Variants in RCOR3 observed in about 807,000 individuals in gnomAD.
The protein encoded by RCOR3 is REST corepressor 3.
Under a neutral mutation model 64.1 loss-of-function variants are expected in RCOR3, and 13 were observed. That is an observed-to-expected ratio of 0.20 (90% CI 0.13 to 0.32). The LOEUF is 0.32. Ranked by LOEUF, RCOR3 falls within the 10% of genes least tolerant of loss-of-function variation. The pLI, the probability that RCOR3 is intolerant of heterozygous loss-of-function variation, is 1.00. For missense variants in RCOR3, 489 were observed against 701.2 expected, an observed-to-expected ratio of 0.70 and a Z score of 3.42; for synonymous variants, 215 against 239.0, an observed-to-expected ratio of 0.90 and a Z score of 0.93.
chr1:211,266,065 C>T (rs1695132058), intron 2 of RCOR3, among the ~76,000 whole-genome samples: 1 of 152,024 alleles, frequency 6.6e-6, no homozygotes. Context: ...GGCAGATTGT[C>T]TTGGGAAAGA....
At position 211,295,633 on chromosome 1, in the gene RCOR3, T is replaced by C. The variant is rs777165111; in HGVS notation, c.940-43T>C. Reference sequence around the variant, plus strand: ...TTAATTGAGTACTCACAAATTTACCTAAGTACGCGATCTGATTCACATTTG... The same window carrying C: ...TTAATTGAGTACTCACAAATTTACCCAAGTACGCGATCTGATTCACATTTG... On this transcript the variant is annotated intron_variant, in intron 8 of 11. Transcript: ENST00000419091. 21 of 1,534,138 alleles carry C rather than the reference T, an allele frequency of 1.4e-5. No homozygotes were observed. In the East Asian group the frequency reaches 4.7e-4, roughly 35 times the overall value.
chr1:211,259,378 C>T lies in RCOR3; in HGVS notation c.-183C>T. The T allele has an allele frequency of 1.8e-6, 1 of 563,330 alleles. No homozygotes were observed. Among genetic ancestry groups the T allele is most frequent in the African/African-American group, 2.0e-5 (1 of 49,318 alleles). The allele number at this position is 563,330 out of a possible 1,614,324, so 34.9% of individuals were successfully genotyped here. A position where few individuals can be genotyped will look rare whatever the true frequency, so the allele number is the denominator to read the frequency against. On this transcript the variant is annotated 5_prime_UTR_variant, in exon 1 of 12. Coordinates refer to ENST00000419091, the MANE Select transcript of RCOR3 (RefSeq NM_001136223.3). ...GGGGCCGGGGCGGGTTGTTGTGAGG[C>T]GACTGCGCTACTGCCGGAGCGGGGC...
chr1:211,268,416 G>C (rs1001826200), intron 2 of RCOR3, among the ~76,000 whole-genome samples: 1 of 95,272 alleles, frequency 1.0e-5, no homozygotes. Context: ...TTTCGCTCTT[G>C]TTGCCCAGGC....
rs1417721957 is a variant in RCOR3 at position 211,259,648 on chromosome 1, G to GGCA, written c.91_93dup (p.Ser31dup). 3.2e-6 allele frequency: 5 copies of GGCA among 1,547,018 alleles called. No homozygotes were observed. The highest frequency in any genetic ancestry group is 2.4e-5 in the South Asian group (2 of 83,944). ...CGCCAAGAGCCCGGCAGGCGGCGGC[G>GGCA]GCAGCGGCGCCTCGTCCACCAACGG... On this transcript the variant is annotated inframe_insertion, in exon 1 of 12. Transcript: ENST00000419091.
chr1:211,303,896 T>A, intron 9 of RCOR3, 187 bp from the exon 10 acceptor site: 1 of 427,332 alleles, frequency 2.3e-6, no homozygotes, highest in East Asian at 3.6e-5. Flanking sequence ...TTCCCTTTCA[T>A]TATCTTTCTG....
At chr1:211,270,791 T>C (rs886379950) in intron 2 of RCOR3, among the ~76,000 whole-genome samples, 2 of 139,910 alleles carry the variant, frequency 1.4e-5, no homozygotes, top group African/African-American at 2.7e-5. Flanking sequence ...TCCTTCTGTT[T>C]TCCTATATTT....
chr1:211,283,774 G>T (rs1215762998), intron 7 of RCOR3, among the ~76,000 whole-genome samples: 1 of 150,840 alleles, frequency 6.6e-6, no homozygotes, highest in Non-Finnish European at 1.5e-5. Flanking sequence ...CTCCCAAGTA[G>T]CTGGGATTGC....
intron 7 of RCOR3, among the ~76,000 whole-genome samples, chr1:211,288,843 C>A (rs1310851698): frequency 6.6e-6 from 1 of 151,884 alleles, no homozygotes; most frequent in Non-Finnish European, 1.5e-5. Flanking sequence ...CTTTTCCCCC[C>A]CTTTATTGCT....
intron 10 of RCOR3, among the ~76,000 whole-genome samples, chr1:211,306,916 G>C (rs1700902840): frequency 1.9e-4 from 29 of 151,864 alleles, no homozygotes; most frequent in Admixed American, 1.9e-3. Context: ...CTCCAGGTAG[G>C]GTATCATTAA....
intron 2 of RCOR3, among the ~76,000 whole-genome samples, chr1:211,263,056 T>A (rs1694630621): frequency 8.0e-6 from 1 of 125,770 alleles, no homozygotes; most frequent in East Asian, 2.5e-4. Flanking sequence ...CAGAGTGTGA[T>A]GTTCCCCTTC....
At chr1:211,308,648 G>A (rs914944182) in intron 10 of RCOR3, among the ~76,000 whole-genome samples, 37 of 122,342 alleles carry the variant, frequency 3.0e-4, no homozygotes, top group African/African-American at 1.0e-3. Flanking sequence ...ACCATGTTTC[G>A]TCTTTTGGAT....
At chr1:211,296,741 C>T (rs1699894557) in intron 9 of RCOR3, among the ~76,000 whole-genome samples, 1 of 152,020 alleles carries the variant, frequency 6.6e-6, no homozygotes, top group African/African-American at 2.4e-5. Flanking sequence ...ATATCTCATT[C>T]CTTGACCACA....
chr1:211,294,253 A>G (rs1291638844), intron 8 of RCOR3, among the ~76,000 whole-genome samples: 1 of 152,208 alleles, frequency 6.6e-6, no homozygotes, highest in Non-Finnish European at 1.5e-5. Context: ...GTTATGAACC[A>G]TACATATATG....
At chr1:211,294,734 C>T (rs1375172512) in intron 8 of RCOR3, among the ~76,000 whole-genome samples, 2 of 152,082 alleles carry the variant, frequency 1.3e-5, no homozygotes, top group Admixed American at 6.5e-5. Context: ...GGACTACAGG[C>T]GTCCGCCACC....
intron 8 of RCOR3, among the ~76,000 whole-genome samples, chr1:211,293,530 T>TAA (rs1232216629): frequency 1.3e-5 from 2 of 152,244 alleles, no homozygotes; most frequent in East Asian, 3.8e-4. Context: ...TGTCCTTTTC[T>TAA]TTGGAACACT....
Position 211,276,412 on chromosome 1 carries a change from G to C in RCOR3, c.510G>C (p.Gln170His), listed in dbSNP as rs768562105. The C allele has an allele frequency of 1.2e-6, 2 of 1,612,224 alleles. No homozygotes were observed. The highest frequency in any genetic ancestry group is 3.3e-5 in the Admixed American group (2 of 59,830). ...ATGGAAAGAGCTTTCACAGGATTCA[G>C]CAAATGGTATGGTAATTTTAATCTT... ...SFHGKSFHRIQQMLPDKTIAS... is the reference protein window; with the variant it reads ...SFHGKSFHRIHQMLPDKTIAS... The change falls in exon 5 of 12, where the codon CAG (glutamine) becomes CAC (histidine). Residue 170 changes from glutamine (Q) to histidine (H), a missense_variant. By Grantham distance (24) the Gln-to-His change is conservative. Around this residue, in one of 2 missense-constraint regions of RCOR3, gnomAD observed 402 missense variants for 617.0 expected, o/e 0.65. Transcript: ENST00000419091.
rs554172305 is a variant in RCOR3 at position 211,298,384 on chromosome 1, A to C, written c.1017+2631A>C. Among the ~76,000 whole-genome samples, 193 of 152,324 alleles carry C rather than the reference A, an allele frequency of 1.3e-3. 1 individual carries two copies. The highest frequency in any genetic ancestry group is 4.4e-3 in the African/African-American group (184 of 41,570). ...GGACCATAGAGGTCATTCCAGGCAG[A>C]GGGAATAATAGCAATGGTTTAGTGT... On this transcript the variant is annotated intron_variant, in intron 9 of 11. Coordinates refer to ENST00000419091, the MANE Select transcript of RCOR3 (RefSeq NM_001136223.3).
At chr1:211,274,320 T>G in intron 4 of RCOR3, 58 bp downstream of exon 4, 1 of 1,179,964 alleles carries the variant, frequency 8.5e-7, no homozygotes, top group Non-Finnish European at 1.3e-6. Flanking sequence ...AAATCTAGAT[T>G]ATCTCATGAT....
At chr1:211,266,501 C>T (rs1435231582) in intron 2 of RCOR3, among the ~76,000 whole-genome samples, 1 of 152,128 alleles carries the variant, frequency 6.6e-6, no homozygotes, top group Non-Finnish European at 1.5e-5. Context: ...ACTGATTGTT[C>T]AACAATTTCA....
Sources: allele counts gnomAD v4.1 joint callset (sites outside exome capture counted in the v4.1 genomes callset), GRCh38; gene constraint gnomAD v4.1.1; regional missense constraint gnomAD v4.1.1; transcripts MANE v1.5; gene names NCBI Gene and HGNC (gene_info 2026-07-23, HGNC 2026-07-21).